Variants in PLCH1 observed in about 807,000 individuals in gnomAD.
PLCH1 encodes 1-phosphatidylinositol 4,5-bisphosphate phosphodiesterase eta-1.
In PLCH1, 60 loss-of-function variants were observed where a neutral mutation model predicts 126.7. The ratio of observed to expected loss-of-function variants is 0.47; its 90% CI spans 0.38 to 0.59. The LOEUF (loss-of-function observed/expected upper bound fraction) is 0.59, where lower values mean the gene tolerates loss of function less well. Among genes scored for constraint, PLCH1 ranks in the 20% least tolerant of loss-of-function variants. The pLI is 0.00. For synonymous variants in PLCH1, 719 were observed against 734.9 expected (o/e 0.98, Z 0.35); for missense variants, 1,723 against 2,040.0 (o/e 0.84, Z 2.99).
At chr3:155,652,704 C>G (rs1261959341) in intron 2 of PLCH1, among the ~76,000 whole-genome samples, 1 of 152,148 alleles carries the variant, frequency 6.6e-6, no homozygotes, top group Non-Finnish European at 1.5e-5. Flanking sequence ...CTCCTCACAC[C>G]TATGAACAAA....
chr3:155,734,614 G>C (rs531716743), intron 1 of PLCH1, among the ~76,000 whole-genome samples: 2 of 151,994 alleles, frequency 1.3e-5, no homozygotes, highest in African/African-American at 4.8e-5. Flanking sequence ...TCAGAATAGC[G>C]AAGTTATGGA....
chr3:155,515,102 A>G (rs1024958023), intron 11 of PLCH1, among the ~76,000 whole-genome samples: 2 of 152,058 alleles, frequency 1.3e-5, no homozygotes, highest in Non-Finnish European at 2.9e-5. Flanking sequence ...TCTGCCAGCT[A>G]CTCTTCATGT....
At chr3:155,622,703 G>A (rs1326793959) in intron 2 of PLCH1, among the ~76,000 whole-genome samples, 1 of 151,906 alleles carries the variant, frequency 6.6e-6, no homozygotes, top group African/African-American at 2.4e-5. Flanking sequence ...AATGCAACAA[G>A]AAGAGCTATC....
intron 2 of PLCH1, among the ~76,000 whole-genome samples, chr3:155,597,300 T>C (rs1560222357): frequency 2.0e-5 from 3 of 152,168 alleles, no homozygotes; most frequent in Non-Finnish European, 4.4e-5. Flanking sequence ...AACTGAACCA[T>C]TCAACAACTG....
intron 2 of PLCH1, among the ~76,000 whole-genome samples, chr3:155,692,785 C>A (rs957270067): frequency 1.9e-4 from 28 of 150,738 alleles, no homozygotes; most frequent in Non-Finnish European, 2.9e-5. Context: ...TGAGATGAGT[C>A]TCGCTCTGTC....
intron 21 of PLCH1, among the ~76,000 whole-genome samples, chr3:155,463,891 T>C (rs1339702366): frequency 6.6e-6 from 1 of 152,208 alleles, no homozygotes; most frequent in Non-Finnish European, 1.5e-5. Flanking sequence ...ACTGGGATAG[T>C]AGACTGTTTA....
chr3:155,606,758 G>A (rs1438278769), intron 2 of PLCH1, among the ~76,000 whole-genome samples: 1 of 152,138 alleles, frequency 6.6e-6, no homozygotes, highest in Non-Finnish European at 1.5e-5. Flanking sequence ...CACCAGCCTT[G>A]GAAAAATGCC....
intron 4 of PLCH1, among the ~76,000 whole-genome samples, chr3:155,591,388 A>ACTCCAGGGACCTCCATGGG (rs1732150978): frequency 1.3e-5 from 2 of 152,168 alleles, no homozygotes; most frequent in Non-Finnish European, 2.9e-5. Flanking sequence ...AGGTCCCCAT[A>ACTCCAGGGACCTCCATGGG]AACATGAGGT....
At chr3:155,627,653 G>A (rs2108798733) in intron 2 of PLCH1, among the ~76,000 whole-genome samples, 1 of 150,206 alleles carries the variant, frequency 6.7e-6, no homozygotes, top group African/African-American at 2.4e-5. Context: ...AAAACAAATT[G>A]AAAAAAATCT....
chr3:155,556,884 A>G (rs1560162188), intron 8 of PLCH1, among the ~76,000 whole-genome samples: 1 of 152,340 alleles, frequency 6.6e-6, no homozygotes. Context: ...TGCTTTCTCT[A>G]CATATCTTAT....
chr3:155,709,074 T>C lies in PLCH1; in HGVS notation c.-40-4810A>G, dbSNP rs1746899489. On this transcript the variant is annotated intron_variant, in intron 1 of 22. Transcript: ENST00000460012. ...AATTGGCTTCTCTCACTTGGTGATATGCATTTAATGTTCTACGTCTTTTCA... is the reference window on the plus strand; with the variant it reads ...AATTGGCTTCTCTCACTTGGTGATACGCATTTAATGTTCTACGTCTTTTCA... Among the ~76,000 whole-genome samples, 6 of 152,346 alleles carry C rather than the reference T, an allele frequency of 3.9e-5. No individual in the cohort carries two copies. In the South Asian group the frequency reaches 1.0e-3, roughly 26 times the overall value.
intron 6 of PLCH1, among the ~76,000 whole-genome samples, chr3:155,568,778 G>T (rs1390751413): frequency 6.6e-6 from 1 of 151,986 alleles, no homozygotes; most frequent in Non-Finnish European, 1.5e-5. Context: ...GTGTGTGTGT[G>T]TGTGTTTGTA....
chr3:155,723,070 A>G (rs555562151), intron 1 of PLCH1, among the ~76,000 whole-genome samples: 2 of 152,306 alleles, frequency 1.3e-5, no homozygotes, highest in South Asian at 4.1e-4. Context: ...AGTTCCAGGA[A>G]TTTATCCATC....
intron 2 of PLCH1, among the ~76,000 whole-genome samples, chr3:155,652,808 G>C (rs1041096107): frequency 6.6e-6 from 1 of 152,148 alleles, no homozygotes; most frequent in Non-Finnish European, 1.5e-5. Context: ...GATGATTTCT[G>C]CACCAAGCCC....
chr3:155,610,244 C>T (rs538974606), intron 2 of PLCH1, among the ~76,000 whole-genome samples: 55 of 151,712 alleles, frequency 3.6e-4, no homozygotes, highest in African/African-American at 1.3e-3. Context: ...GCCTATAATC[C>T]CAGCTACTCA....
At chr3:155,713,858 T>C (rs911454230) in intron 1 of PLCH1, among the ~76,000 whole-genome samples, 1 of 152,218 alleles carries the variant, frequency 6.6e-6, no homozygotes, top group Non-Finnish European at 1.5e-5. Flanking sequence ...ATAAGGATTA[T>C]GGAAAACTCC....
chr3:155,524,139 C>A, intron 10 of PLCH1, 135 bp from the exon 11 acceptor site: 3 of 675,086 alleles, frequency 4.4e-6, no homozygotes, highest in South Asian at 1.8e-5. Flanking sequence ...GAATCTTAGC[C>A]TTTAAGAAGA....
At chr3:155,611,429 T>C (rs1735081227) in intron 2 of PLCH1, among the ~76,000 whole-genome samples, 1 of 151,918 alleles carries the variant, frequency 6.6e-6, no homozygotes, top group Non-Finnish European at 1.5e-5. Flanking sequence ...CAAAAAGGAA[T>C]GTTAAATAAT....
At chr3:155,470,861 C>T (rs528047448) in intron 21 of PLCH1, among the ~76,000 whole-genome samples, 62 of 151,918 alleles carry the variant, frequency 4.1e-4, no homozygotes, top group African/African-American at 1.2e-3. Context: ...AAATAATTTA[C>T]AAACAAGCAA....
Sources: gnomAD v4.1 joint callset for allele counts (sites outside exome capture counted in the v4.1 genomes callset) on GRCh38, gnomAD v4.1.1 for gene constraint, MANE v1.5 for transcripts, NCBI Gene and HGNC (gene_info 2026-07-23, HGNC 2026-07-21) for gene names.